FBP1: variants seen among roughly 807,000 people sequenced by gnomAD.
FBP1 encodes fructose-bisphosphatase 1.
In FBP1, 22 loss-of-function variants were observed where a neutral mutation model predicts 29.9. The ratio of observed to expected loss-of-function variants is 0.74; its 90% CI spans 0.53 to 1.05. The LOEUF is 1.05. FBP1 is among the 50% of genes least tolerant of loss of function. The pLI, the probability that FBP1 is intolerant of heterozygous loss-of-function variation, is 0.00. For synonymous variants in FBP1, 175 were observed against 178.6 expected, an observed-to-expected ratio of 0.98 and a Z score of 0.16; for missense variants, 345 against 448.2, an observed-to-expected ratio of 0.77 and a Z score of 2.08.
At chr9:94,625,261 C>T (rs1828005318) in intron 1 of FBP1, among the ~76,000 whole-genome samples, 1 of 152,060 alleles carries the variant, frequency 6.6e-6, no homozygotes, top group Non-Finnish European at 1.5e-5. Context: ...TCAGATGGCT[C>T]CTACCCTTGG....
intron 1 of FBP1, among the ~76,000 whole-genome samples, chr9:94,638,040 C>T (rs1367342978): frequency 1.3e-5 from 2 of 148,210 alleles, no homozygotes; most frequent in African/African-American, 2.5e-5. Flanking sequence ...GAGCCAAGAT[C>T]GCACCATTGC....
rs1827685407 is a variant in FBP1, at chr9:94,605,556, C to T, written c.726G>A (p.Gly242=). 6.2e-7 allele frequency: 1 copy of T among 1,613,474 alleles called. No individual in the cohort carries two copies. The highest frequency in any genetic ancestry group is 8.5e-7 in the Non-Finnish European group (1 of 1,179,740). ...CCACCATGGAGCCCACATACCGGGC[C>T]CCATAAGGAGCTGAATTATCCTGCA... is the stretch of plus-strand genomic sequence containing the variant. The part of the protein sequence containing the change: ...KFPPDNSAPY[G]ARYVGSMVAD... Residue 242 remains glycine, a synonymous_variant, in exon 6 of 7, where the codon GGG becomes GGA. Transcript: ENST00000375326.
chr9:94,616,566 G>A (rs991266217), intron 3 of FBP1, among the ~76,000 whole-genome samples: 5 of 151,018 alleles, frequency 3.3e-5, no homozygotes, highest in Non-Finnish European at 5.9e-5. Context: ...TCAGCCTCCC[G>A]GGACTACAGG....
chr9:94,630,523 G>A (rs186809212), intron 1 of FBP1, among the ~76,000 whole-genome samples: 7 of 152,284 alleles, frequency 4.6e-5, no homozygotes, highest in East Asian at 3.9e-4. Context: ...CTCAGCAGCC[G>A]GGGAAAGTCA....
chr9:94,629,886 A>G (rs1464948290), intron 1 of FBP1, among the ~76,000 whole-genome samples: 3 of 152,170 alleles, frequency 2.0e-5, no homozygotes, highest in African/African-American at 7.2e-5. Context: ...GAATGCCAAG[A>G]GTGGAGGGCC....
At position 94,610,252 on chromosome 9, in the gene FBP1, G is replaced by T. The variant is rs28369729; in HGVS notation, c.427-191C>A. Among the ~76,000 whole-genome samples, 7 of 152,268 alleles carry T rather than the reference G, an allele frequency of 4.6e-5. No individual in the cohort carries two copies. The East Asian group carries it at 7.7e-4, about 17-fold the overall frequency. On this transcript the variant is annotated intron_variant, in intron 3 of 6. Transcript: ENST00000375326. ...ACGGCAGCCTTCCCACCAGAACCCA[G>T]ATTTCCTGCATCTGGATTCCTCTTT...
At chr9:94,626,980 G>A (rs1828034448) in intron 1 of FBP1, among the ~76,000 whole-genome samples, 1 of 152,064 alleles carries the variant, frequency 6.6e-6, no homozygotes, top group Non-Finnish European at 1.5e-5. Flanking sequence ...CCTGAGGCTG[G>A]GAGTTCAAGA....
upstream of FBP1, chr9:94,639,572 G>GC: frequency 1.7e-6 from 1 of 573,242 alleles, no homozygotes; most frequent in Non-Finnish European, 3.1e-6. Context: ...TCGGCCCCCC[G>GC]CCCCCGGGAA....
Position 94,634,226 on chromosome 9 carries a change from G to T in FBP1, c.170+4915C>A, listed in dbSNP as rs564913355. On this transcript the variant is annotated intron_variant, in intron 1 of 6. Transcript: ENST00000375326. Reference sequence around the variant, plus strand: ...GGAGAATGGCATGAACCCGGGAGGCGGAGGTTGCAGTGAGCTGAGATCGCC... The same window carrying T: ...GGAGAATGGCATGAACCCGGGAGGCTGAGGTTGCAGTGAGCTGAGATCGCC... Among the ~76,000 whole-genome samples the T allele has an allele frequency of 1.5e-3, 231 of 150,864 alleles. 1 individual carries two copies. Among genetic ancestry groups the T allele is most frequent in the African/African-American group, 5.3e-3 (219 of 41,190 alleles).
chr9:94,639,084 G>T (rs1412066502), intron 1 of FBP1, 57 bp downstream of exon 1: 1 of 1,536,846 alleles, frequency 6.5e-7, no homozygotes, highest in Non-Finnish European at 8.8e-7. Flanking sequence ...CAGCCCGCCG[G>T]GCAGGCTCCC....
At chr9:94,613,842 C>T (rs1421136742) in intron 3 of FBP1, among the ~76,000 whole-genome samples, 2 of 150,426 alleles carry the variant, frequency 1.3e-5, no homozygotes, top group African/African-American at 4.9e-5. Flanking sequence ...CTTTGGGAGG[C>T]CGAGGCGGGC....
Position 94,617,772 on chromosome 9 carries a change from C to G in FBP1, c.422G>C (p.Arg141Thr). ...GCTTAAGATATCACGTTTTACCTTT[C>G]TATAGATGCCAAAAATGGTTCCAAC... ...VSVGTIFGIY[R>T]KKSTDEPSEK... The change falls in exon 3 of 7, where the codon AGA (arginine) becomes ACA (threonine). Residue 141 changes from arginine to threonine, a missense_variant. Arg to Thr is a moderately conservative substitution (Grantham distance 71). Coordinates refer to ENST00000375326, the MANE Select transcript of FBP1 (RefSeq NM_000507.4). 2 of 1,609,600 alleles carry G rather than the reference C, an allele frequency of 1.2e-6. No individual in the cohort carries two copies. The highest frequency in any genetic ancestry group is 1.7e-6 in the Non-Finnish European group (2 of 1,175,988).
At position 94,618,672 on chromosome 9, in the gene FBP1, G is replaced by A. The variant is rs147569208; in HGVS notation, c.334-812C>T. ...AAACTAAACAAAACAAATTTCTAGC[G>A]TAATTCCCAAAGTAGATAACTTTCA... On this transcript the variant is annotated intron_variant, in intron 2 of 6. Coordinates refer to ENST00000375326, the MANE Select transcript of FBP1 (RefSeq NM_000507.4). Among the ~76,000 whole-genome samples, 14 of 151,988 alleles carry A rather than the reference G, an allele frequency of 9.2e-5. No homozygotes were observed. In the South Asian group the frequency reaches 1.0e-3, roughly 11 times the overall value.
In FBP1 at chr9:94,627,953, C is replaced by T. The variant is rs552258849; in HGVS notation, c.171-7462G>A. ...CCTAGCTCCCTTCCCCTACCTCCCT[C>T]CCCTGCTCTGCCCCTCAGCCCCACT... On this transcript the variant is annotated intron_variant, in intron 1 of 6. Coordinates refer to ENST00000375326, the MANE Select transcript of FBP1 (RefSeq NM_000507.4). 5.1e-4 allele frequency among the ~76,000 whole-genome samples: 78 copies of T among 152,364 alleles called. 1 individual carries two copies. In the Middle Eastern group the frequency reaches 0.01, roughly 20 times the overall value.
intron 2 of FBP1, 98 bp downstream of exon 2, chr9:94,620,231 C>T: frequency 7.7e-7 from 1 of 1,305,576 alleles, no homozygotes; most frequent in Non-Finnish European, 1.1e-6. Context: ...TAGAGGGACT[C>T]CCAGAAACCC....
chr9:94,624,430 A>AT (rs1469150589), intron 1 of FBP1, among the ~76,000 whole-genome samples: 3 of 151,700 alleles, frequency 2.0e-5, no homozygotes, highest in Non-Finnish European at 4.4e-5. Flanking sequence ...AGGCGGGTGG[A>AT]TCCCCTGAGG....
intron 1 of FBP1, among the ~76,000 whole-genome samples, chr9:94,632,946 T>C (rs1489893068): frequency 6.6e-6 from 1 of 152,220 alleles, no homozygotes; most frequent in Non-Finnish European, 1.5e-5. Context: ...TCCTCCTCTT[T>C]TCTCTGCCTC....
intron 1 of FBP1, among the ~76,000 whole-genome samples, chr9:94,625,271 G>A (rs1828005427): frequency 6.6e-6 from 1 of 151,986 alleles, no homozygotes; most frequent in Non-Finnish European, 1.5e-5. Flanking sequence ...CCTACCCTTG[G>A]CACACAGAGG....
intron 1 of FBP1, among the ~76,000 whole-genome samples, chr9:94,637,529 G>C (rs1828210242): frequency 6.6e-6 from 1 of 151,764 alleles, no homozygotes; most frequent in African/African-American, 2.4e-5. Context: ...CTCCCGAGTA[G>C]CTGGGATTAC....
Sources: allele counts gnomAD v4.1 joint callset (sites outside exome capture counted in the v4.1 genomes callset), GRCh38; gene constraint gnomAD v4.1.1; transcripts MANE v1.5; gene names NCBI Gene and HGNC (gene_info 2026-07-23, HGNC 2026-07-21).